The following PPP1R2 variants were observed in gnomAD, a reference collection of about 807,000 sequenced individuals.
PPP1R2 encodes protein phosphatase 1 regulatory inhibitor subunit 2, also known as protein phosphatase inhibitor 2.
Under a neutral mutation model 29.9 loss-of-function variants are expected in PPP1R2, and 16 were observed. The observed-to-expected ratio is 0.53, with a 90% CI of 0.36 to 0.81. PPP1R2 has a LOEUF of 0.81. PPP1R2 is among the 30% of genes least tolerant of loss of function. The pLI is 0.00. For missense variants in PPP1R2, 197 were observed against 252.7 expected, an observed-to-expected ratio of 0.78 and a Z score of 1.49; for synonymous variants, 76 against 91.5, an observed-to-expected ratio of 0.83 and a Z score of 0.96.
chr3:195,540,623 G>C (rs1719558169), intron 1 of PPP1R2, among the ~76,000 whole-genome samples: 1 of 152,146 alleles, frequency 6.6e-6, no homozygotes, highest in African/African-American at 2.4e-5. Flanking sequence ...CTGATGAATG[G>C]ATTAATCTAT....
chr3:195,526,132 T>C (rs1408013186), intron 2 of PPP1R2, among the ~76,000 whole-genome samples: 2 of 151,654 alleles, frequency 1.3e-5, no homozygotes, highest in African/African-American at 2.4e-5. Context: ...CAGGGTCTCA[T>C]TCTGTCACCC....
intron 4 of PPP1R2, among the ~76,000 whole-genome samples, chr3:195,520,743 T>C (rs961115469): frequency 6.6e-6 from 1 of 152,130 alleles, no homozygotes; most frequent in African/African-American, 2.4e-5. Context: ...GGCTTCCAAC[T>C]TCTGGGCTCA....
intron 1 of PPP1R2, among the ~76,000 whole-genome samples, chr3:195,536,284 C>T (rs1438623605): frequency 8.9e-6 from 1 of 112,550 alleles, no homozygotes; most frequent in Non-Finnish European, 1.7e-5. Context: ...CATAGCGAGA[C>T]CCTGTCTTTA....
At chr3:195,522,271 C>T (rs1173286276) in intron 4 of PPP1R2, among the ~76,000 whole-genome samples, 1 of 152,158 alleles carries the variant, frequency 6.6e-6, no homozygotes, top group Non-Finnish European at 1.5e-5. Flanking sequence ...GTTTGTCTGT[C>T]TTCTTAGACA....
chr3:195,536,788 C>CAAAAAAAAAA (rs10717955), intron 1 of PPP1R2, among the ~76,000 whole-genome samples: 1 of 72,504 alleles, frequency 1.4e-5, no homozygotes, highest in Non-Finnish European at 2.8e-5. Flanking sequence ...AACTCCGTCT[C>CAAAAAAAAAA]AAAAAAAAAA....
chr3:195,532,219 T>TTCTTTA (rs1491131606), intron 1 of PPP1R2, among the ~76,000 whole-genome samples: 1 of 145,894 alleles, frequency 6.9e-6, no homozygotes, highest in Non-Finnish European at 1.5e-5. Flanking sequence ...CTTTTTCTTT[T>TTCTTTA]TTTTTTTTTT....
At chr3:195,539,469 G>T (rs964901284) in intron 1 of PPP1R2, among the ~76,000 whole-genome samples, 5 of 152,148 alleles carry the variant, frequency 3.3e-5, no homozygotes, top group Admixed American at 3.3e-4. Context: ...TGTAATCCCA[G>T]CACTCTGGGA....
At chr3:195,539,637 G>A (rs899084415) in intron 1 of PPP1R2, among the ~76,000 whole-genome samples, 19 of 152,144 alleles carry the variant, frequency 1.2e-4, no homozygotes, top group African/African-American at 4.3e-4. Flanking sequence ...CGCTGTGATC[G>A]TGCCACCGTA....
chr3:195,533,099 C>A (rs568354055), intron 1 of PPP1R2, among the ~76,000 whole-genome samples: 1 of 152,260 alleles, frequency 6.6e-6, no homozygotes, highest in African/African-American at 2.4e-5. Flanking sequence ...GTAATCCCAG[C>A]ACTTTGGGAG....
chr3:195,528,490 C>T (rs1473840171), intron 2 of PPP1R2, among the ~76,000 whole-genome samples: 1 of 151,852 alleles, frequency 6.6e-6, no homozygotes, highest in Non-Finnish European at 1.5e-5. Flanking sequence ...TTGTTAGTAA[C>T]AGGTTATTTC....
chr3:195,518,920 A>C, intron 5 of PPP1R2, 98 bp downstream of exon 5: 7 of 1,532,118 alleles, frequency 4.6e-6, no homozygotes, highest in Non-Finnish European at 6.1e-6. Context: ...ATCTCAGCAA[A>C]ATTTTCTGTT....
chr3:195,530,888 T>C (rs967092453), intron 1 of PPP1R2, among the ~76,000 whole-genome samples: 7 of 152,050 alleles, frequency 4.6e-5, no homozygotes, highest in Non-Finnish European at 8.8e-5. Flanking sequence ...AATGGCACGA[T>C]CTCGGCTCAC....
chr3:195,533,640 A>G (rs1242717734), intron 1 of PPP1R2, among the ~76,000 whole-genome samples: 1 of 152,234 alleles, frequency 6.6e-6, no homozygotes, highest in East Asian at 1.9e-4. Flanking sequence ...TCATTTAAAC[A>G]TGAATCCACC....
chr3:195,524,931 A>C (rs1718909208), intron 2 of PPP1R2, 35 bp from the exon 3 acceptor site: 1 of 1,573,908 alleles, frequency 6.4e-7, no homozygotes, highest in Non-Finnish European at 8.7e-7. Context: ...TAATACCTGA[A>C]ACATACATTT....
At position 195,514,586 on chromosome 3, in the gene PPP1R2, C is replaced by T. The variant is rs1718477258; in HGVS notation, c.*2310G>A. On this transcript the variant is annotated 3_prime_UTR_variant, in exon 6 of 6. Transcript: ENST00000618156. ...TTACACCATTATGTCAAATTTTAGTCATCTCTGCAGAATTTTAGACAAATG... is the reference window on the plus strand; with the variant it reads ...TTACACCATTATGTCAAATTTTAGTTATCTCTGCAGAATTTTAGACAAATG... The T allele has an allele frequency of 6.6e-6, 1 of 152,176 alleles. No homozygotes were observed. Among genetic ancestry groups the T allele is most frequent in the Non-Finnish European group, 1.5e-5 (1 of 68,028 alleles). The allele number at this position is 152,176 out of a possible 1,614,324, so 9.4% of individuals were successfully genotyped here. A position where few individuals can be genotyped will look rare whatever the true frequency, so the allele number is the denominator to read the frequency against.
In PPP1R2 at chr3:195,543,285, C is replaced by G. The variant is rs984393422; in HGVS notation, c.-260G>C. 1 of 349,882 alleles carries G rather than the reference C, an allele frequency of 2.9e-6. No individual in the cohort carries two copies. Among genetic ancestry groups the G allele is most frequent in the Non-Finnish European group, 5.2e-6 (1 of 193,558 alleles). The allele number at this position is 349,882 out of a possible 1,614,324, so 21.7% of individuals were successfully genotyped here. A position where few individuals can be genotyped will look rare whatever the true frequency, so the allele number is the denominator to read the frequency against. The stretch of plus-strand genomic sequence containing the variant: ...TGACCCGCGGCTCGCGGAGAGACGC[C>G]GGCCTAGAGCTCCAGCGCAGGAGCG... On this transcript the variant is annotated 5_prime_UTR_variant, in exon 1 of 6. Transcript: ENST00000618156.
chr3:195,534,005 G>A (rs1196159355), intron 1 of PPP1R2, among the ~76,000 whole-genome samples: 1 of 152,126 alleles, frequency 6.6e-6, no homozygotes, highest in East Asian at 1.9e-4. Context: ...AGTTCCCAGA[G>A]GCCATTAAGA....
chr3:195,523,820 T>C, intron 3 of PPP1R2, 34 bp from the exon 4 acceptor site: 1 of 1,543,972 alleles, frequency 6.5e-7, no homozygotes, highest in South Asian at 1.1e-5. Flanking sequence ...AAATTAACAG[T>C]GATGTTTTGA....
intron 1 of PPP1R2, among the ~76,000 whole-genome samples, chr3:195,537,651 T>A (rs1719446748): frequency 6.6e-6 from 1 of 152,136 alleles, no homozygotes; most frequent in Non-Finnish European, 1.5e-5. Context: ...TAGATTTATA[T>A]AAACCACATT....
Sources: gnomAD v4.1 joint callset for allele counts (sites outside exome capture counted in the v4.1 genomes callset) on GRCh38, gnomAD v4.1.1 for gene constraint, MANE v1.5 for transcripts, NCBI Gene and HGNC (gene_info 2026-07-23, HGNC 2026-07-21) for gene names.